The following LRRC37A2 variants were observed in gnomAD, a reference collection of about 807,000 sequenced individuals.
LRRC37A2 encodes leucine rich repeat containing 37 member A2, also known as leucine-rich repeat-containing protein 37A2.
A neutral mutation model predicts 68.8 loss-of-function variants in LRRC37A2; 9 were observed. The observed-to-expected ratio is 0.13, with a 90% CI of 0.08 to 0.23. LRRC37A2 has a LOEUF of 0.23. Ranked by LOEUF, LRRC37A2 falls within the 10% of genes least tolerant of loss-of-function variation. LRRC37A2 has a pLI of 1.00. For missense variants in LRRC37A2, 168 were observed against 950.4 expected (o/e 0.18, Z 10.82); for synonymous variants, 63 against 367.6 (o/e 0.17, Z 9.48).
the LRRC37A2 span, among the ~76,000 whole-genome samples, chr17:46,942,488 C>T: frequency 6.6e-6 from 1 of 152,228 alleles, no homozygotes; most frequent in Non-Finnish European, 1.5e-5. Context: ...CCCACTTAAT[C>T]TCCCACACTT....
At chr17:46,720,649 A>G in the LRRC37A2 span, among the ~76,000 whole-genome samples, 1 of 152,180 alleles carries the variant, frequency 6.6e-6, no homozygotes, top group African/African-American at 2.4e-5. Flanking sequence ...ACCAAATATG[A>G]TTAGAGTATG....
At chr17:46,719,944 T>C in the LRRC37A2 span, among the ~76,000 whole-genome samples, 1 of 152,202 alleles carries the variant, frequency 6.6e-6, no homozygotes, top group African/African-American at 2.4e-5. This position sits in a 1 kb window ranked among gnomAD's most constrained non-coding sequence, Gnocchi z 4.3. Context: ...GGATTGAAAA[T>C]TAATGGAAGA....
At chr17:47,028,320 A>G in the LRRC37A2 span, 1 of 1,513,672 alleles carries the variant, frequency 6.6e-7, no homozygotes, top group South Asian at 1.1e-5. Flanking sequence ...CAGCTTTGGA[A>G]CATTTCAGGC....
At chr17:47,005,823 C>T in the LRRC37A2 span, 1 of 152,108 alleles carries the variant, frequency 6.6e-6, no homozygotes, top group Non-Finnish European at 1.5e-5. Context: ...CAGGATCCTG[C>T]TATTTTGTTT....
chr17:46,851,622 GC>G, the LRRC37A2 span: 1 of 1,249,246 alleles, frequency 8.0e-7, no homozygotes, highest in South Asian at 2.9e-5. This position sits in a 1 kb window ranked among gnomAD's most constrained non-coding sequence, Gnocchi z 4.3. Flanking sequence ...GCTAGAGGGC[GC>G]AGCGCCGCCA....
chr17:47,018,458 A>C, the LRRC37A2 span: 1 of 1,538,828 alleles, frequency 6.5e-7, no homozygotes, highest in South Asian at 1.1e-5. Flanking sequence ...TCACCATAGC[A>C]GCAGAGCCTA....
the LRRC37A2 span, among the ~76,000 whole-genome samples, chr17:46,502,832 C>A: frequency 2.6e-5 from 4 of 151,004 alleles, 1 homozygote; most frequent in African/African-American, 9.9e-5. Flanking sequence ...GGCTCAGAGC[C>A]CTTCTGAAGT....
chr17:47,019,385 T>A, the LRRC37A2 span: 6 of 1,610,716 alleles, frequency 3.7e-6, no homozygotes, highest in Non-Finnish European at 5.1e-6. Flanking sequence ...CTACAATACC[T>A]ACTACAGAGG....
the LRRC37A2 span, among the ~76,000 whole-genome samples, chr17:46,695,247 A>G: frequency 6.8e-6 from 1 of 146,406 alleles, no homozygotes; most frequent in African/African-American, 2.6e-5. Context: ...TTCCGTCTCC[A>G]AAAAAAAAAA....
chr17:46,940,624 C>T, the LRRC37A2 span: 5 of 1,614,128 alleles, frequency 3.1e-6, no homozygotes, highest in Non-Finnish European at 3.4e-6. Context: ...GCCATTTGTT[C>T]TTGAACTCTG....
chr17:47,027,554 T>G, the LRRC37A2 span: 2 of 1,309,712 alleles, frequency 1.5e-6, no homozygotes, highest in Non-Finnish European at 2.2e-6. Flanking sequence ...TTCCTTTTCC[T>G]AGAGATTTAT....
chr17:46,982,576 A>G, the LRRC37A2 span, among the ~76,000 whole-genome samples: 14 of 152,174 alleles, frequency 9.2e-5, no homozygotes, highest in African/African-American at 3.4e-4. Flanking sequence ...TAATTGACTT[A>G]CTTAAGATCA....
chr17:46,845,485 ATT>A, the LRRC37A2 span, among the ~76,000 whole-genome samples: 454 of 121,330 alleles, frequency 3.7e-3, no homozygotes, highest in African/African-American at 0.012. Flanking sequence ...AGTTATCTGA[ATT>A]TTTTTTTTTT....
chr17:46,941,000 C>T, the LRRC37A2 span: 2 of 1,138,628 alleles, frequency 1.8e-6, no homozygotes, highest in South Asian at 2.3e-5. Context: ...GAAGGAGCAC[C>T]CTCTAGTGGA....
At chr17:46,960,636 T>A in the LRRC37A2 span, among the ~76,000 whole-genome samples, 1 of 152,174 alleles carries the variant, frequency 6.6e-6, no homozygotes, top group African/African-American at 2.4e-5. Flanking sequence ...AATTTAAATT[T>A]AAAAACCTGT....
the LRRC37A2 span, among the ~76,000 whole-genome samples, chr17:46,900,797 T>C: frequency 6.6e-6 from 1 of 152,202 alleles, no homozygotes; most frequent in African/African-American, 2.4e-5. Context: ...AGAAAGGTGG[T>C]TTGGCCTGGA....
Position 46,520,899 on chromosome 17 carries a change from G to A in LRRC37A2, c.2753+616G>A, listed in dbSNP as rs1219825589. On this transcript the variant is annotated intron_variant, in intron 4 of 14. Coordinates refer to ENST00000576629, the Ensembl canonical transcript of LRRC37A2. ...TCCAGAATTTTTTGGTAATTTAATC[G>A]GAATTAAATTAACATTTAAATATTA... 2.7e-5 allele frequency among the ~76,000 whole-genome samples: 2 copies of A among 75,104 alleles called. 1 individual carries two copies. The highest frequency in any genetic ancestry group is 8.1e-5 in the African/African-American group (2 of 24,782). 49.3% of individuals were successfully genotyped at this position (75,104 alleles called of 152,430 possible). A position where few individuals can be genotyped will look rare whatever the true frequency, so the allele number is the denominator to read the frequency against.
At chr17:46,462,113 A>G in the LRRC37A2 span, among the ~76,000 whole-genome samples, 1,057 of 80,536 alleles carry the variant, frequency 0.013, 184 homozygotes, top group African/African-American at 0.033. Flanking sequence ...GAAAGAAACA[A>G]TGGAAACTCA....
the LRRC37A2 span, chr17:46,978,723 G>A: frequency 6.2e-7 from 1 of 1,612,244 alleles, no homozygotes; most frequent in South Asian, 1.1e-5. Flanking sequence ...TCATGCTCTC[G>A]GACTTGATGA....
Sources: allele counts gnomAD v4.1 joint callset (sites outside exome capture counted in the v4.1 genomes callset), GRCh38; gene constraint gnomAD v4.1.1; non-coding constraint Gnocchi (gnomAD v3.1); transcripts MANE v1.5; gene names NCBI Gene and HGNC (gene_info 2026-07-23, HGNC 2026-07-21).